Variants in MAGI2 observed in about 807,000 individuals in gnomAD.
MAGI2 encodes membrane-associated guanylate kinase, WW and PDZ domain-containing protein 2.
In MAGI2, 35 loss-of-function variants were observed where a neutral mutation model predicts 133.3. The ratio of observed to expected loss-of-function variants is 0.26; its 90% CI spans 0.20 to 0.35. The LOEUF (loss-of-function observed/expected upper bound fraction) is 0.35. Ranked by LOEUF, MAGI2 falls within the 10% of genes least tolerant of loss-of-function variation. The pLI is 1.00. For missense variants in MAGI2, 1,636 were observed against 1,863.4 expected, an observed-to-expected ratio of 0.88 and a Z score of 2.25; for synonymous variants, 729 against 710.6, an observed-to-expected ratio of 1.03 and a Z score of -0.41.
chr7:78,875,828 A>G (rs576592976), intron 2 of MAGI2, among the ~76,000 whole-genome samples: 3 of 152,332 alleles, frequency 2.0e-5, no homozygotes, highest in Admixed American at 2.0e-4. Context: ...ATGTTTAAAA[A>G]TATGATCTCA....
chr7:79,046,452 T>G (rs994375902), intron 1 of MAGI2, among the ~76,000 whole-genome samples: 1 of 152,192 alleles, frequency 6.6e-6, no homozygotes, highest in Non-Finnish European at 1.5e-5. Flanking sequence ...AGAAAATAGA[T>G]TTCTGCTGTT....
chr7:78,470,196 A>T (rs1791053502), intron 6 of MAGI2, among the ~76,000 whole-genome samples: 1 of 152,114 alleles, frequency 6.6e-6, no homozygotes, highest in Admixed American at 6.6e-5. Flanking sequence ...ATAACTGTTG[A>T]CCCAAACACA....
intron 1 of MAGI2, among the ~76,000 whole-genome samples, chr7:79,345,824 C>T (rs533525418): frequency 1.3e-5 from 2 of 152,110 alleles, no homozygotes; most frequent in African/African-American, 2.4e-5. Context: ...TGCCTGAGTT[C>T]AAGATTTTCA....
intron 6 of MAGI2, among the ~76,000 whole-genome samples, chr7:78,431,129 T>C (rs574965348): frequency 2.0e-5 from 3 of 151,130 alleles, no homozygotes; most frequent in Non-Finnish European, 4.4e-5. Flanking sequence ...AAACACCTAC[T>C]TGGTTTTTGA....
At chr7:78,958,336 T>C (rs946638125) in intron 2 of MAGI2, among the ~76,000 whole-genome samples, 1 of 152,100 alleles carries the variant, frequency 6.6e-6, no homozygotes, top group African/African-American at 2.4e-5. Flanking sequence ...AGGCTTTCAG[T>C]TTAGCAGTGA....
chr7:79,367,875 A>ATATATATATATATATATATATATATATG lies in MAGI2; in HGVS notation c.301+85144_301+85145insCATATATATATATATATATATATATATA, dbSNP rs1342246318. Among the ~76,000 whole-genome samples, 321 of 121,754 alleles carry ATATATATATATATATATATATATATATG rather than the reference A, an allele frequency of 2.6e-3. 8 individuals are homozygous for ATATATATATATATATATATATATATATG. Among genetic ancestry groups the ATATATATATATATATATATATATATATG allele is most frequent in the South Asian group, 9.8e-3 (34 of 3,470 alleles). The allele number at this position is 121,754 out of a possible 152,430, so 79.9% of individuals were successfully genotyped here. The stretch of plus-strand genomic sequence containing the variant: ...ATATGTGACATATATATATATATAT[A>ATATATATATATATATATATATATATATG]TGTCATTGACTGGTCAGTCTTCTTC... On this transcript the variant is annotated intron_variant, in intron 1 of 21. Transcript: ENST00000354212.
intron 2 of MAGI2, among the ~76,000 whole-genome samples, chr7:78,638,592 G>C (rs1255649267): frequency 6.6e-6 from 1 of 152,068 alleles, no homozygotes; most frequent in African/African-American, 2.4e-5. Flanking sequence ...CTATAGTCTT[G>C]GCTTTTGATC....
chr7:78,600,849 T>C (rs1345255503), intron 3 of MAGI2, among the ~76,000 whole-genome samples: 1 of 152,136 alleles, frequency 6.6e-6, no homozygotes, highest in Non-Finnish European at 1.5e-5. Context: ...AATAGTAGTA[T>C]AAAATTACTT....
intron 2 of MAGI2, among the ~76,000 whole-genome samples, chr7:78,885,448 T>C (rs1215622840): frequency 6.6e-6 from 1 of 152,198 alleles, no homozygotes; most frequent in Non-Finnish European, 1.5e-5. Context: ...TCTTACACTA[T>C]CCTGAGGCTT....
At chr7:78,644,315 C>G (rs986416841) in intron 2 of MAGI2, among the ~76,000 whole-genome samples, 2 of 152,094 alleles carry the variant, frequency 1.3e-5, no homozygotes, top group East Asian at 3.9e-4. Context: ...CACTATCTAC[C>G]AAATTAACCT....
intron 1 of MAGI2, among the ~76,000 whole-genome samples, chr7:79,359,616 G>A (rs1341953158): frequency 4.1e-5 from 6 of 146,400 alleles, no homozygotes; most frequent in East Asian, 2.1e-4. Flanking sequence ...ATTATGGGAC[G>A]GAAAAGCCAA....
chr7:79,309,979 A>AAAAAGAAAAG (rs556576123), intron 1 of MAGI2, among the ~76,000 whole-genome samples: 2 of 141,268 alleles, frequency 1.4e-5, no homozygotes, highest in Non-Finnish European at 3.1e-5. Flanking sequence ...AAAAAAAAAA[A>AAAAAGAAAAG]AAAAGAAAAG....
At chr7:78,641,146 G>A (rs1290235985) in intron 2 of MAGI2, among the ~76,000 whole-genome samples, 3 of 152,102 alleles carry the variant, frequency 2.0e-5, no homozygotes, top group Admixed American at 6.6e-5. Context: ...GGCCTCCCTA[G>A]CCCTGCAGAA....
chr7:78,635,910 T>G (rs780558918), intron 2 of MAGI2, among the ~76,000 whole-genome samples: 1 of 152,184 alleles, frequency 6.6e-6, no homozygotes, highest in Non-Finnish European at 1.5e-5. Flanking sequence ...TTCAATCACA[T>G]AAAATCCCAA....
intron 6 of MAGI2, among the ~76,000 whole-genome samples, chr7:78,455,543 A>G (rs2151493598): frequency 6.6e-6 from 1 of 152,248 alleles, no homozygotes; most frequent in East Asian, 1.9e-4. Flanking sequence ...ATTTAACCCC[A>G]ATTTCTCTCA....
chr7:79,448,050 G>A (rs1050522711), intron 1 of MAGI2, among the ~76,000 whole-genome samples: 1 of 151,764 alleles, frequency 6.6e-6, no homozygotes, highest in Non-Finnish European at 1.5e-5. Context: ...ATGTTGTCAA[G>A]TTTAGAGTAA....
chr7:78,864,965 G>A (rs949035552), intron 2 of MAGI2, among the ~76,000 whole-genome samples: 5 of 152,108 alleles, frequency 3.3e-5, no homozygotes, highest in Non-Finnish European at 7.4e-5. Context: ...CCCCAGGAAC[G>A]CGCAACTAGT....
At chr7:78,355,672 G>A (rs1337069514) in intron 7 of MAGI2, among the ~76,000 whole-genome samples, 2 of 152,116 alleles carry the variant, frequency 1.3e-5, no homozygotes, top group Non-Finnish European at 2.9e-5. Context: ...TATACACTTA[G>A]CTTTTATGGT....
chr7:79,303,162 G>A (rs1473121787), intron 1 of MAGI2, among the ~76,000 whole-genome samples: 2 of 152,074 alleles, frequency 1.3e-5, no homozygotes, highest in East Asian at 1.9e-4. Context: ...CTCAGAGGGT[G>A]GAAGGGGTAT....
Sources: allele counts gnomAD v4.1 joint callset (sites outside exome capture counted in the v4.1 genomes callset), GRCh38; gene constraint gnomAD v4.1.1; transcripts MANE v1.5; gene names NCBI Gene and HGNC (gene_info 2026-07-23, HGNC 2026-07-21).